Variants in GZMB observed in about 807,000 individuals in gnomAD.
The protein encoded by GZMB is granzyme B.
In GZMB, 27 loss-of-function variants were observed where a neutral mutation model predicts 24.2. The observed-to-expected ratio is 1.12, with a 90% CI of 0.82 to 1.54. The LOEUF (loss-of-function observed/expected upper bound fraction) is 1.54. Ranked by LOEUF, GZMB falls within the 40% of genes most tolerant of loss-of-function variation. The pLI, the probability that GZMB is intolerant of heterozygous loss-of-function variation, is 0.00. For synonymous variants in GZMB, 121 were observed against 115.1 expected (o/e 1.05, Z -0.33); for missense variants, 336 against 310.1 (o/e 1.08, Z -0.63).
At chr14:24,631,386 G>T (rs2066993319) in intron 4 of GZMB, among the ~76,000 whole-genome samples, 172 bp from the exon 5 acceptor site, 1 of 152,242 alleles carries the variant, frequency 6.6e-6, no homozygotes, top group African/African-American at 2.4e-5. Context: ...CCTGGACATT[G>T]TTACTGCTTC....
intron 4 of GZMB, 193 bp from the exon 5 acceptor site, chr14:24,631,407 A>G (rs2066993608): frequency 5.2e-6 from 3 of 582,330 alleles, no homozygotes; most frequent in Non-Finnish European, 9.1e-6. Context: ...ACCTCATCCC[A>G]GGGGCCAGCC....
intron 1 of GZMB, chr14:24,633,420 G>A (rs1210013994): frequency 1.1e-5 from 4 of 351,200 alleles, no homozygotes; most frequent in Non-Finnish European, 1.6e-5. Flanking sequence ...CAGGGTGTAA[G>A]TGGAGGGATC....
chr14:24,633,473 G>C (rs372554022), intron 1 of GZMB: 1 of 176,498 alleles, frequency 5.7e-6, no homozygotes, highest in African/African-American at 2.4e-5. Context: ...GACATGTAGT[G>C]GGTGCCCAGT....
rs2066997203 is a variant in GZMB at position 24,631,845 on chromosome 14, T to C, written c.600+13A>G. ...TCTCCCAAGAGCCAATCCAGGCAGG[T>C]GCATAGTCTTACCTTAAAGGAAGTC... is the stretch of plus-strand genomic sequence containing the variant. On this transcript the variant is annotated intron_variant, in intron 4 of 4. Coordinates refer to ENST00000216341, the MANE Select transcript of GZMB (RefSeq NM_004131.6). The C allele has an allele frequency of 6.2e-7, 1 of 1,612,026 alleles. No homozygotes were observed. The highest frequency in any genetic ancestry group is 1.7e-5 in the Admixed American group (1 of 60,000).
Position 24,631,101 on chromosome 14 carries a change from G to A in GZMB, c.714C>T (p.His238=). ...AGCGTTTCATGGTTTTCTTTATCCA[G>A]TGTACAAAGCTTGAGACTTTGGTGC... ...RACTKVSSFV[H]WIKKTMKRY is the part of the protein sequence containing the mutation. The change falls in exon 5 of 5, where the codon CAC becomes CAT. Residue 238 remains histidine, a synonymous_variant. Transcript: ENST00000216341. 1.9e-6 allele frequency: 3 copies of A among 1,613,292 alleles called. No individual in the cohort carries two copies. The highest frequency in any genetic ancestry group is 1.6e-4 in the Middle Eastern group (1 of 6,062).
chr14:24,632,573 A>G, intron 2 of GZMB, 114 bp from the exon 3 acceptor site: 1 of 1,524,402 alleles, frequency 6.6e-7, no homozygotes, highest in South Asian at 1.1e-5. Context: ...AATTAAGGGG[A>G]CAGTCGGTCC....
At chr14:24,633,274 G>A (rs1326213287) in intron 1 of GZMB, 5 of 984,358 alleles carry the variant, frequency 5.1e-6, no homozygotes, top group South Asian at 4.7e-5. Flanking sequence ...AGTTGAAGGC[G>A]AGCATACCTG....
chr14:24,631,150 T>A lies in GZMB; in HGVS notation c.665A>T (p.Asn222Ile). Reference protein sequence around the residue: ...VAQGIVSYGRNNGMPPRACTK... With the variant: ...VAQGIVSYGRINGMPPRACTK... ...GCAGGCTCGTGGAGGCATGCCATTG[T>A]TTCGTCCATAGGAGACAATGCCCTG... Residue 222 changes from asparagine (N) to isoleucine (I), a missense_variant, in exon 5 of 5, where the codon AAC becomes ATC. By Grantham distance (149) the Asn-to-Ile change is moderately radical. Transcript: ENST00000216341. 1 of 1,613,358 alleles carries A rather than the reference T, an allele frequency of 6.2e-7. No homozygotes were observed. The highest frequency in any genetic ancestry group is 8.5e-7 in the Non-Finnish European group (1 of 1,179,320).
In GZMB at chr14:24,632,055, G is replaced by A; in HGVS notation, c.403C>T (p.Gln135Ter). Residue 135 changes from glutamine to a stop codon, truncating the protein, a stop_gained, in exon 4 of 5, where the codon CAG (glutamine) becomes TAG (stop). Coordinates refer to ENST00000216341, the MANE Select transcript of GZMB (RefSeq NM_004131.6). LOFTEE classifies it high-confidence loss of function. ...CTGCATGTCTGCCCTGGCTTCACCT[G>A]GGCCTTGTTGCTAGGTAGCCTGAGG... ...QPLRLPSNKA[Q>*]VKPGQTCSVA... The A allele has an allele frequency of 6.2e-7, 1 of 1,614,150 alleles. No individual in the cohort carries two copies. The highest frequency in any genetic ancestry group is 2.2e-5 in the East Asian group (1 of 44,880).
intron 1 of GZMB, chr14:24,633,782 A>C (rs2067018758): frequency 2.5e-6 from 1 of 393,790 alleles, no homozygotes; most frequent in African/African-American, 2.1e-5. Flanking sequence ...CCAGAAACAG[A>C]AGCCAGGCCT....
At chr14:24,633,151 G>A (rs2067013992) in intron 1 of GZMB, 89 bp from the exon 2 acceptor site, 1 of 1,498,904 alleles carries the variant, frequency 6.7e-7, no homozygotes, top group African/African-American at 1.4e-5. Flanking sequence ...TGGGCATTTG[G>A]GAGCCTGGGA....
At chr14:24,631,301 AACT>A in intron 4 of GZMB, 87 bp from the exon 5 acceptor site, 1 of 1,178,370 alleles carries the variant, frequency 8.5e-7, no homozygotes, top group Admixed American at 2.1e-5. Context: ...AGAAAAGGCC[AACT>A]TGCACAGCCT....
intron 1 of GZMB, 102 bp downstream of exon 1, chr14:24,634,004 G>T: frequency 9.5e-7 from 1 of 1,058,090 alleles, no homozygotes; most frequent in Non-Finnish European, 1.4e-6. Flanking sequence ...GGGAGCTGGA[G>T]TTCAGAACAT....
intron 4 of GZMB, chr14:24,631,479 C>T (rs1202356273): frequency 1.8e-6 from 1 of 550,550 alleles, no homozygotes; most frequent in East Asian, 3.0e-5. Flanking sequence ...GTTTAAGGAC[C>T]CAGAAGTGGG....
intron 1 of GZMB, 134 bp from the exon 2 acceptor site, chr14:24,633,196 C>T (rs1165418997): frequency 1.4e-6 from 2 of 1,448,424 alleles, no homozygotes; most frequent in Admixed American, 2.4e-5. Context: ...GAGGAAGGGG[C>T]TTCAATTTCC....
At chr14:24,632,850 G>T (rs9671454) in intron 2 of GZMB, 65 bp downstream of exon 2, 19 of 1,516,970 alleles carry the variant, frequency 1.3e-5, no homozygotes, top group South Asian at 5.7e-5. Flanking sequence ...GGAGCTCCTT[G>T]GGAAGAAGGC....
intron 1 of GZMB, chr14:24,633,310 G>A (rs2067015227): frequency 2.0e-6 from 2 of 985,050 alleles, no homozygotes; most frequent in African/African-American, 1.7e-5. Flanking sequence ...AATCCCAGAG[G>A]CTCCTGATCA....
At chr14:24,631,815 A>T in intron 4 of GZMB, 43 bp downstream of exon 4, 2 of 1,571,114 alleles carry the variant, frequency 1.3e-6, no homozygotes, top group Non-Finnish European at 1.8e-6. Context: ...TTCCCCAAAC[A>T]TCTTTCTCCC....
intron 4 of GZMB, 55 bp from the exon 5 acceptor site, chr14:24,631,269 C>T: frequency 6.6e-7 from 1 of 1,524,438 alleles, no homozygotes; most frequent in Non-Finnish European, 9.0e-7. Flanking sequence ...CCTGCCCTCT[C>T]TTCCATCTCA....
Sources: gnomAD v4.1 joint callset for allele counts (sites outside exome capture counted in the v4.1 genomes callset) on GRCh38, gnomAD v4.1.1 for gene constraint, MANE v1.5 for transcripts, NCBI Gene and HGNC (gene_info 2026-07-23, HGNC 2026-07-21) for gene names.